The following ITK variants were observed in gnomAD, a reference collection of about 807,000 sequenced individuals.
ITK encodes tyrosine-protein kinase ITK/TSK.
ITK carries 45 observed loss-of-function variants against 87.6 expected under a neutral mutation model. That is an observed-to-expected ratio of 0.51 (90% CI 0.40 to 0.66). ITK has a LOEUF of 0.66. Among genes scored for constraint, ITK ranks in the 30% least tolerant of loss-of-function variants. The pLI is 0.00. For missense variants in ITK, 605 were observed against 766.3 expected, an observed-to-expected ratio of 0.79 and a Z score of 2.48; for synonymous variants, 303 against 273.6, an observed-to-expected ratio of 1.11 and a Z score of -1.06.
intron 16 of ITK, among the ~76,000 whole-genome samples, chr5:157,250,313 C>T (rs541896382): frequency 6.6e-6 from 1 of 152,310 alleles, no homozygotes; most frequent in South Asian, 2.1e-4. Flanking sequence ...TGGCATCATA[C>T]AGCATGTAGG....
chr5:157,218,001 C>T (rs907277596), intron 5 of ITK, 94 bp downstream of exon 5: 41 of 1,115,752 alleles, frequency 3.7e-5, no homozygotes, highest in Non-Finnish European at 5.5e-5. Context: ...CCATAGTTTT[C>T]AAACCCTGGC....
intron 1 of ITK, among the ~76,000 whole-genome samples, chr5:157,186,162 A>T (rs1753637747): frequency 6.6e-6 from 1 of 152,166 alleles, no homozygotes; most frequent in South Asian, 2.1e-4. Context: ...ACTCATAGGT[A>T]ATCAGGGATT....
chr5:157,246,497 G>A (rs893586080), intron 15 of ITK, among the ~76,000 whole-genome samples: 2 of 151,718 alleles, frequency 1.3e-5, no homozygotes, highest in African/African-American at 4.8e-5. Context: ...AGATGGGAGG[G>A]GAGACAGAAA....
intron 1 of ITK, among the ~76,000 whole-genome samples, chr5:157,190,548 G>T (rs1753732939): frequency 6.6e-6 from 1 of 152,170 alleles, no homozygotes; most frequent in South Asian, 2.1e-4. Context: ...CACCCTAATA[G>T]CTTGCATTCT....
intron 7 of ITK, among the ~76,000 whole-genome samples, chr5:157,229,080 AATAG>A (rs1181821027): frequency 8.5e-5 from 13 of 152,338 alleles, no homozygotes; most frequent in Non-Finnish European, 1.8e-4. Flanking sequence ...ATCTGTAATA[AATAG>A]ATAGACTGAT....
intron 6 of ITK, among the ~76,000 whole-genome samples, chr5:157,223,819 G>T (rs1389848854): frequency 1.3e-5 from 2 of 152,082 alleles, no homozygotes; most frequent in Non-Finnish European, 2.9e-5. Flanking sequence ...AATATTAGGG[G>T]TTTAAATGTT....
intron 5 of ITK, among the ~76,000 whole-genome samples, chr5:157,221,683 C>A (rs1006616722): frequency 6.6e-6 from 1 of 152,150 alleles, no homozygotes; most frequent in African/African-American, 2.4e-5. Flanking sequence ...AGCTATTAAC[C>A]AATGAGTTGA....
At chr5:157,199,965 T>C (rs1209537837) in intron 1 of ITK, among the ~76,000 whole-genome samples, 5 of 152,038 alleles carry the variant, frequency 3.3e-5, no homozygotes, top group Non-Finnish European at 4.4e-5. Flanking sequence ...AAACAACCTG[T>C]TTCTGGGTTG....
chr5:157,211,430 C>A, intron 3 of ITK, 62 bp downstream of exon 3: 1 of 1,340,018 alleles, frequency 7.5e-7, no homozygotes, highest in Non-Finnish European at 1.1e-6. Context: ...GGGTTGGGTT[C>A]CACAATAGAA....
intron 8 of ITK, among the ~76,000 whole-genome samples, chr5:157,234,610 A>G (rs1754739861): frequency 6.6e-6 from 1 of 152,194 alleles, no homozygotes. Flanking sequence ...GGATGAGTTC[A>G]TGTCCTTTGC....
chr5:157,221,412 G>A (rs1754409295), intron 5 of ITK, among the ~76,000 whole-genome samples: 1 of 152,128 alleles, frequency 6.6e-6, no homozygotes, highest in Non-Finnish European at 1.5e-5. Context: ...TCTAGGCTCA[G>A]GATGTTCTTA....
intron 5 of ITK, among the ~76,000 whole-genome samples, chr5:157,219,392 C>T (rs927745523): frequency 6.6e-6 from 1 of 152,156 alleles, no homozygotes; most frequent in South Asian, 2.1e-4. Flanking sequence ...GAATTACAGG[C>T]GTGAGCCACT....
rs372492636 is a variant in ITK, at chr5:157,212,849, C to CA, written c.326-1332dup. Among the ~76,000 whole-genome samples, 90 of 140,688 alleles carry CA rather than the reference C, an allele frequency of 6.4e-4. 1 individual carries two copies. Among genetic ancestry groups the CA allele is most frequent in the East Asian group, 3.7e-3 (18 of 4,872 alleles). 92.3% of individuals were successfully genotyped at this position (140,688 alleles called of 152,430 possible). On this transcript the variant is annotated intron_variant, in intron 3 of 16. Coordinates refer to ENST00000422843, the MANE Select transcript of ITK (RefSeq NM_005546.4). ...GAGCAAGACCCTGTTCTTACCCCAC[C>CA]AAAAAAAAAAGAAGAAAAAAAAGGA...
intron 1 of ITK, among the ~76,000 whole-genome samples, chr5:157,205,975 C>CTTT (rs36004184): frequency 1.5e-4 from 17 of 111,486 alleles, no homozygotes; most frequent in East Asian, 2.4e-4. Context: ...AAGGATTAGC[C>CTTT]TTTTTTTTTT....
At chr5:157,228,571 C>T (rs1342372840) in intron 7 of ITK, among the ~76,000 whole-genome samples, 1 of 151,832 alleles carries the variant, frequency 6.6e-6, no homozygotes, top group Non-Finnish European at 1.5e-5. Context: ...AGGGATAGAA[C>T]AAAAAGGAAC....
In ITK at chr5:157,254,621, T is replaced by C. The variant is rs191436930; in HGVS notation, c.*1943T>C. 115 of 218,230 alleles carry C rather than the reference T, an allele frequency of 5.3e-4. No individual in the cohort carries two copies. In the East Asian group the frequency reaches 7.5e-3, roughly 14 times the overall value. 13.5% of individuals were successfully genotyped at this position (218,230 alleles called of 1,614,324 possible). A position where few individuals can be genotyped will look rare whatever the true frequency, so the allele number is the denominator to read the frequency against. On this transcript the variant is annotated 3_prime_UTR_variant, in exon 17 of 17. Coordinates refer to ENST00000422843, the MANE Select transcript of ITK (RefSeq NM_005546.4). ...GAAGTGGAGAGCCTCAAGATAAAAC[T>C]CTGTCATTCAGAAGATGATTTTACT...
chr5:157,201,627 T>A (rs1753976840), intron 1 of ITK, among the ~76,000 whole-genome samples: 1 of 151,632 alleles, frequency 6.6e-6, no homozygotes, highest in Non-Finnish European at 1.5e-5. Flanking sequence ...TATTCGACAC[T>A]GTTCTGCAAG....
intron 1 of ITK, among the ~76,000 whole-genome samples, chr5:157,183,265 T>C (rs1405916525): frequency 6.6e-6 from 1 of 152,180 alleles, no homozygotes; most frequent in East Asian, 1.9e-4. Flanking sequence ...AAGGCTGCAT[T>C]AATATTACTC....
intron 16 of ITK, among the ~76,000 whole-genome samples, chr5:157,250,251 A>G (rs1167311408): frequency 6.6e-6 from 1 of 152,116 alleles, no homozygotes; most frequent in African/African-American, 2.4e-5. Flanking sequence ...ACTGGCAACT[A>G]CTGATCTTTT....
Sources: allele counts gnomAD v4.1 joint callset (sites outside exome capture counted in the v4.1 genomes callset), GRCh38; gene constraint gnomAD v4.1.1; transcripts MANE v1.5; gene names NCBI Gene and HGNC (gene_info 2026-07-23, HGNC 2026-07-21).